CDR2: variants seen among roughly 807,000 people sequenced by gnomAD.
The protein encoded by CDR2 is cerebellar degeneration-related protein 2.
A neutral mutation model predicts 48.4 loss-of-function variants in CDR2; 34 were observed. That is an observed-to-expected ratio of 0.70 (90% CI 0.53 to 0.94). The LOEUF is 0.94. CDR2 is among the 40% of genes least tolerant of loss of function. The pLI, the probability that CDR2 is intolerant of heterozygous loss-of-function variation, is 0.00. For missense variants in CDR2, 498 were observed against 549.5 expected, an observed-to-expected ratio of 0.91 and a Z score of 0.94; for synonymous variants, 240 against 219.7, an observed-to-expected ratio of 1.09 and a Z score of -0.82.
Position 22,364,936 on chromosome 16 carries a change from T to C in CDR2, c.158A>G (p.Tyr53Cys), listed in dbSNP as rs1445512177. The C allele has an allele frequency of 5.6e-6, 9 of 1,612,594 alleles. No individual in the cohort carries two copies. The highest frequency in any genetic ancestry group is 1.6e-4 in the Middle Eastern group (1 of 6,084). ...CTGTAACTGCTCCTGATTGGTTGTA[T>C]ACATCTGCTGAACAGAGTCCTCCAA... ...TELEDSVQQM[Y>C]TTNQEQLQEI... is the part of the protein sequence containing the mutation. Residue 53 changes from tyrosine to cysteine, a missense_variant, in exon 2 of 5, where the codon TAT becomes TGT. Coordinates refer to ENST00000268383, the MANE Select transcript of CDR2 (RefSeq NM_001802.2).
chr16:22,357,317 G>A (rs1439611844), intron 2 of CDR2, among the ~76,000 whole-genome samples: 6 of 152,204 alleles, frequency 3.9e-5, no homozygotes, highest in Non-Finnish European at 5.9e-5. Context: ...CCAAAGTGAA[G>A]GGATTACAGG....
At position 22,355,843 on chromosome 16, in the gene CDR2, A is replaced by G. The variant is rs1384149287; in HGVS notation, c.193-5994T>C. Among the ~76,000 whole-genome samples the G allele has an allele frequency of 4.6e-5, 7 of 152,320 alleles. No individual in the cohort carries two copies. In the East Asian group the frequency reaches 1.3e-3, roughly 29 times the overall value. ...CCAACTTCCTCTGCTCAGCTCATTGAAACCCTCATTCTCTAAGAATGAGGT... is the reference window on the plus strand; with the variant it reads ...CCAACTTCCTCTGCTCAGCTCATTGGAACCCTCATTCTCTAAGAATGAGGT... On this transcript the variant is annotated intron_variant, in intron 2 of 4. Transcript: ENST00000268383.
chr16:22,360,486 A>G (rs754650341), intron 2 of CDR2, among the ~76,000 whole-genome samples: 1 of 152,192 alleles, frequency 6.6e-6, no homozygotes, highest in African/African-American at 2.4e-5. Flanking sequence ...AGAGTCTTTG[A>G]AAGAATATTT....
At chr16:22,352,177 G>A (rs1282911101) in intron 2 of CDR2, among the ~76,000 whole-genome samples, 1 of 152,126 alleles carries the variant, frequency 6.6e-6, no homozygotes, top group East Asian at 1.9e-4. Context: ...TTTTGAACGT[G>A]GGAGGTGAAC....
intron 1 of CDR2, among the ~76,000 whole-genome samples, chr16:22,369,465 T>C (rs1265183371): frequency 2.6e-5 from 4 of 152,140 alleles, no homozygotes; most frequent in Non-Finnish European, 1.5e-5. Flanking sequence ...CAGCACTCTT[T>C]AGTAGATAGC....
In CDR2 at chr16:22,346,228, TAA is replaced by T; in HGVS notation, c.*735_*736del. 1 of 152,572 alleles carries T rather than the reference TAA, an allele frequency of 6.6e-6. No individual in the cohort carries two copies. Among genetic ancestry groups the T allele is most frequent in the Non-Finnish European group, 1.5e-5 (1 of 68,044 alleles). 9.5% of individuals were successfully genotyped at this position (152,572 alleles called of 1,614,324 possible). A position where few individuals can be genotyped will look rare whatever the true frequency, so the allele number is the denominator to read the frequency against. ...CTTTAGTTTGAATTTGAGAAAGTGA[TAA>T]AAGATTTACATATTCACCTATCCTA... On this transcript the variant is annotated 3_prime_UTR_variant, in exon 5 of 5. Coordinates refer to ENST00000268383, the MANE Select transcript of CDR2 (RefSeq NM_001802.2).
intron 1 of CDR2, among the ~76,000 whole-genome samples, chr16:22,366,116 T>G (rs2141852519): frequency 6.6e-6 from 1 of 152,374 alleles, no homozygotes; most frequent in East Asian, 1.9e-4. Flanking sequence ...GGCACTATGC[T>G]AAGCATTAGC....
rs749755332 is a variant in CDR2 at position 22,364,897 on chromosome 16, A to AT, written c.192+4dup. On this transcript the variant is annotated splice_donor_region_variant and intron_variant, in intron 2 of 4. Coordinates refer to ENST00000268383, the MANE Select transcript of CDR2 (RefSeq NM_001802.2). ...AAAGTGTAACTCTCCTGCCAAGTGA[A>AT]TTACCTCAATTTCCTGTAACTGCTC... 1.3e-6 allele frequency: 2 copies of AT among 1,545,532 alleles called. No homozygotes were observed. The highest frequency in any genetic ancestry group is 1.4e-5 in the African/African-American group (1 of 73,614).
Position 22,347,045 on chromosome 16 carries a change from T to A in CDR2, c.1285A>T (p.Ile429Phe). ...TTAGTTTTCTTGATGCAACTAAAGATCTCCTTAAACAACGCTTTGTATTCT... is the reference window on the plus strand; with the variant it reads ...TTAGTTTTCTTGATGCAACTAAAGAACTCCTTAAACAACGCTTTGTATTCT... ...PPEYKALFKE[I>F]FSCIKKTKQE... Residue 429 changes from isoleucine (I) to phenylalanine (F), a missense_variant, in exon 5 of 5, where the codon ATC becomes TTC. Ile to Phe is a conservative substitution (Grantham distance 21). Coordinates refer to ENST00000268383, the MANE Select transcript of CDR2 (RefSeq NM_001802.2). 6.2e-7 allele frequency: 1 copy of A among 1,614,186 alleles called. No homozygotes were observed. Among genetic ancestry groups the A allele is most frequent in the Non-Finnish European group, 8.5e-7 (1 of 1,180,000 alleles).
intron 2 of CDR2, among the ~76,000 whole-genome samples, chr16:22,350,779 G>A (rs2048936757): frequency 6.6e-6 from 1 of 152,062 alleles, no homozygotes; most frequent in Admixed American, 6.5e-5. Flanking sequence ...AAAATCTAAA[G>A]TGAGACATAA....
intron 2 of CDR2, among the ~76,000 whole-genome samples, chr16:22,363,187 C>G (rs1032793561): frequency 6.6e-6 from 1 of 152,140 alleles, no homozygotes; most frequent in Non-Finnish European, 1.5e-5. Flanking sequence ...AGTGATCTGC[C>G]TGCCTCTGCC....
chr16:22,359,111 A>T (rs2048995098), intron 2 of CDR2, among the ~76,000 whole-genome samples: 1 of 152,150 alleles, frequency 6.6e-6, no homozygotes, highest in Non-Finnish European at 1.5e-5. Flanking sequence ...AAATTTTTAA[A>T]GACTTTTTTC....
At chr16:22,370,772 T>C (rs888692451) in intron 1 of CDR2, among the ~76,000 whole-genome samples, 13 of 152,208 alleles carry the variant, frequency 8.5e-5, no homozygotes, top group Non-Finnish European at 8.8e-5. Context: ...CAGAGTTTAC[T>C]GAGGTTAGAA....
rs574539032 is a variant in CDR2 at position 22,347,469 on chromosome 16, G to A, written c.861C>T (p.Ser287=). 6.2e-7 allele frequency: 1 copy of A among 1,614,000 alleles called. No homozygotes were observed. The highest frequency in any genetic ancestry group is 1.7e-5 in the Admixed American group (1 of 60,028). Residue 287 remains serine, a synonymous_variant, in exon 5 of 5, where the codon AGC becomes AGT. Coordinates refer to ENST00000268383, the MANE Select transcript of CDR2 (RefSeq NM_001802.2). Reference sequence around the variant, plus strand: ...GGAACATCTCTTCCAGCAGGCTCTGGCTGGGCTCTTTGAAAGGAACATACA... The same window carrying A: ...GGAACATCTCTTCCAGCAGGCTCTGACTGGGCTCTTTGAAAGGAACATACA... ...DSLYVPFKEP[S]QSLLEEMFLT...
chr16:22,358,377 T>C (rs2048989928), intron 2 of CDR2, among the ~76,000 whole-genome samples: 1 of 152,182 alleles, frequency 6.6e-6, no homozygotes, highest in Non-Finnish European at 1.5e-5. Context: ...CTTGGGTTTA[T>C]CTCACTGTCT....
intron 2 of CDR2, among the ~76,000 whole-genome samples, chr16:22,361,701 T>C (rs2049011333): frequency 6.6e-6 from 1 of 152,236 alleles, no homozygotes; most frequent in African/African-American, 2.4e-5. Flanking sequence ...TCAACTGTAA[T>C]GGTGGTGAAG....
chr16:22,369,286 GGAAAAAAAAAAAAAA>G (rs1598297038), intron 1 of CDR2, among the ~76,000 whole-genome samples: 1 of 92,068 alleles, frequency 1.1e-5, no homozygotes, highest in East Asian at 2.1e-4. Flanking sequence ...TCTCTTAGCA[GGAAAAAAAAAAAAAA>G]GAAAAAAAAC....
chr16:22,351,026 C>T (rs1022368701), intron 2 of CDR2, among the ~76,000 whole-genome samples: 3 of 152,138 alleles, frequency 2.0e-5, no homozygotes, highest in African/African-American at 7.2e-5. Context: ...ATCCCCACCC[C>T]GACAGGCCCC....
chr16:22,351,881 C>T (rs1360517817), intron 2 of CDR2, among the ~76,000 whole-genome samples: 9 of 152,114 alleles, frequency 5.9e-5, no homozygotes, highest in African/African-American at 2.2e-4. Flanking sequence ...CTGGACAGAA[C>T]CAGAAAGAGG....
Sources: gnomAD v4.1 joint callset for allele counts (sites outside exome capture counted in the v4.1 genomes callset) on GRCh38, gnomAD v4.1.1 for gene constraint, MANE v1.5 for transcripts, NCBI Gene and HGNC (gene_info 2026-07-23, HGNC 2026-07-21) for gene names.